TPD52: variants seen among roughly 807,000 people sequenced by gnomAD.
The protein encoded by TPD52 is prostate and colon associated protein.
In TPD52, 17 loss-of-function variants were observed where a neutral mutation model predicts 31.3. The observed-to-expected ratio is 0.54, with a 90% CI of 0.37 to 0.82. TPD52 has a LOEUF of 0.82. Among genes scored for constraint, TPD52 ranks in the 40% least tolerant of loss-of-function variants. TPD52 has a pLI of 0.00. For missense variants in TPD52, 212 were observed against 240.1 expected, an observed-to-expected ratio of 0.88 and a Z score of 0.77; for synonymous variants, 83 against 89.6, an observed-to-expected ratio of 0.93 and a Z score of 0.42.
intron 1 of TPD52, among the ~76,000 whole-genome samples, chr8:80,113,173 C>T (rs961788565): frequency 6.6e-6 from 1 of 151,916 alleles, no homozygotes; most frequent in Non-Finnish European, 1.5e-5. Context: ...TCTTCTGGCA[C>T]CTTTTCACTA....
intron 1 of TPD52, among the ~76,000 whole-genome samples, chr8:80,116,879 T>C (rs1398999579): frequency 6.6e-6 from 1 of 151,758 alleles, no homozygotes; most frequent in Non-Finnish European, 1.5e-5. Context: ...ATCATATCAA[T>C]AGATAAAGGA....
chr8:80,035,478 C>G lies in TPD52; in HGVS notation c.*2638G>C, dbSNP rs2130301603. The stretch of plus-strand genomic sequence containing the variant: ...TGCATAATGGACTTGCCCCTTTCCT[C>G]AATGGGCAGGTAATGTATACAAAAG... On this transcript the variant is annotated 3_prime_UTR_variant, in exon 8 of 8. Coordinates refer to ENST00000518937, the MANE Select transcript of TPD52 (RefSeq NM_001025253.3). The G allele has an allele frequency of 6.6e-6, 1 of 152,300 alleles. No homozygotes were observed. 9.4% of individuals were successfully genotyped at this position (152,300 alleles called of 1,614,324 possible).
Position 80,101,448 on chromosome 8 carries a change from C to CAAAA in TPD52, c.20-36859_20-36856dup, listed in dbSNP as rs113660828. ...GGGCGACAGAGTGAGACTCCCAGCTCAAAAAAAAAAAAAAAAAAAAAAAAA... is the reference window on the plus strand; with the variant it reads ...GGGCGACAGAGTGAGACTCCCAGCTCAAAAAAAAAAAAAAAAAAAAAAAAAAAAA... On this transcript the variant is annotated intron_variant, in intron 1 of 7. Coordinates refer to ENST00000518937, the MANE Select transcript of TPD52 (RefSeq NM_001025253.3). 2.4e-3 allele frequency among the ~76,000 whole-genome samples: 276 copies of CAAAA among 114,634 alleles called. 8 individuals are homozygous for CAAAA. Among genetic ancestry groups the CAAAA allele is most frequent in the African/African-American group, 7.4e-3 (257 of 34,540 alleles). The allele number at this position is 114,634 out of a possible 152,430, so 75.2% of individuals were successfully genotyped here.
chr8:80,161,725 TA>T (rs1811371083), intron 1 of TPD52, among the ~76,000 whole-genome samples: 2 of 81,184 alleles, frequency 2.5e-5, no homozygotes, highest in East Asian at 4.8e-4. Context: ...TATATATATA[TA>T]TATATATTTT....
rs1488121746 is a variant in TPD52, at chr8:80,036,628, T to C, written c.*1488A>G. On this transcript the variant is annotated 3_prime_UTR_variant, in exon 8 of 8. Transcript: ENST00000518937. ...AATTTATTAAGCTTTTCACATGTGA[T>C]AGCACATAGTTTTAATTGCATCCAA... is the stretch of plus-strand genomic sequence containing the variant. 1.3e-5 allele frequency: 2 copies of C among 152,672 alleles called. No individual in the cohort carries two copies. The highest frequency in any genetic ancestry group is 2.1e-4 in the South Asian group (1 of 4,834). 9.5% of individuals were successfully genotyped at this position (152,672 alleles called of 1,614,324 possible).
In TPD52 at chr8:80,044,338, T is replaced by C. The variant is rs915817256; in HGVS notation, c.414-130A>G. 8 of 701,176 alleles carry C rather than the reference T, an allele frequency of 1.1e-5. No homozygotes were observed. The East Asian group carries it at 1.6e-4, about 14-fold the overall frequency. The allele number at this position is 701,176 out of a possible 1,614,324, so 43.4% of individuals were successfully genotyped here. A position where few individuals can be genotyped will look rare whatever the true frequency, so the allele number is the denominator to read the frequency against. On this transcript the variant is annotated intron_variant, in intron 5 of 7. Coordinates refer to ENST00000518937, the MANE Select transcript of TPD52 (RefSeq NM_001025253.3). ...GGCGCCATGAAGAATTACCTACTTT[T>C]TGAGGTGGAGGGGATCAAAGTTATT...
chr8:80,153,054 C>G (rs1454024079), intron 1 of TPD52, among the ~76,000 whole-genome samples: 1 of 152,124 alleles, frequency 6.6e-6, no homozygotes, highest in East Asian at 1.9e-4. Flanking sequence ...AAAGAAGACT[C>G]TTAGGCACTA....
chr8:80,054,363 TAA>T (rs1811658515), intron 2 of TPD52, among the ~76,000 whole-genome samples: 3 of 152,138 alleles, frequency 2.0e-5, no homozygotes, highest in Non-Finnish European at 4.4e-5. Flanking sequence ...AACAAAAGGC[TAA>T]TCCAGGAAAA....
intron 1 of TPD52, among the ~76,000 whole-genome samples, chr8:80,163,485 G>T (rs1811496556): frequency 6.6e-6 from 1 of 152,204 alleles, no homozygotes; most frequent in Non-Finnish European, 1.5e-5. Context: ...AAGTTGGGAA[G>T]CTGCTGTTCA....
chr8:80,120,587 A>C (rs895567268), intron 1 of TPD52, among the ~76,000 whole-genome samples: 6 of 152,252 alleles, frequency 3.9e-5, no homozygotes, highest in African/African-American at 1.4e-4. Context: ...ATAGAAGTGA[A>C]GTGCTGCTTT....
intron 1 of TPD52, among the ~76,000 whole-genome samples, chr8:80,105,123 T>C (rs531873253): frequency 6.6e-6 from 1 of 152,292 alleles, no homozygotes; most frequent in East Asian, 1.9e-4. Context: ...TTTCTTTTTG[T>C]GATAGGGTCT....
chr8:80,051,339 G>A, intron 4 of TPD52, 188 bp downstream of exon 4: 1 of 566,704 alleles, frequency 1.8e-6, no homozygotes, highest in Admixed American at 3.4e-5. Context: ...ATGATCATTT[G>A]ATGTTAGAAT....
chr8:80,037,918 T>A lies in TPD52; in HGVS notation c.*198A>T. The A allele has an allele frequency of 1.7e-6, 1 of 577,376 alleles. No homozygotes were observed. Among genetic ancestry groups the A allele is most frequent in the Non-Finnish European group, 2.9e-6 (1 of 349,242 alleles). The allele number at this position is 577,376 out of a possible 1,614,324, so 35.8% of individuals were successfully genotyped here. A position where few individuals can be genotyped will look rare whatever the true frequency, so the allele number is the denominator to read the frequency against. ...TTTCCTAAATAAAGGAACATAAATG[T>A]ACACTAAAGGGTGTTTCCCAAGAAT... On this transcript the variant is annotated 3_prime_UTR_variant, in exon 8 of 8. Coordinates refer to ENST00000518937, the MANE Select transcript of TPD52 (RefSeq NM_001025253.3).
rs552723038 is a variant in TPD52, at chr8:80,112,444, T to C, written c.20-47851A>G. ...CACTATCTTGCTCTTCCTCCAAGATTTGGGGCAGGTCCCAGGCATCTCTAT... is the reference window on the plus strand; with the variant it reads ...CACTATCTTGCTCTTCCTCCAAGATCTGGGGCAGGTCCCAGGCATCTCTAT... On this transcript the variant is annotated intron_variant, in intron 1 of 7. Transcript: ENST00000518937. Among the ~76,000 whole-genome samples the C allele has an allele frequency of 5.9e-5, 9 of 152,250 alleles. No individual in the cohort carries two copies. The East Asian group carries it at 7.7e-4, about 13-fold the overall frequency.
At chr8:80,163,833 G>A (rs1315345055) in intron 1 of TPD52, among the ~76,000 whole-genome samples, 1 of 151,508 alleles carries the variant, frequency 6.6e-6, no homozygotes, top group Non-Finnish European at 1.5e-5. Flanking sequence ...TTGAATAGTG[G>A]AAGAGTGCAA....
At chr8:80,051,035 A>G (rs117512671) in intron 4 of TPD52, among the ~76,000 whole-genome samples, 1,767 of 152,074 alleles carry the variant, frequency 0.012, 14 homozygotes, top group Non-Finnish European at 0.016. Context: ...CAAAATCAAG[A>G]TTTTGGCCTA....
rs961328445 is a variant in TPD52 at position 80,064,307 on chromosome 8, T to G, written c.135+171A>C. On this transcript the variant is annotated intron_variant, in intron 2 of 7. Transcript: ENST00000518937. ...TTTTTCTCATATAAAAACGAACCGA[T>G]GTCACCCTCTTCTATCTCCTCTCCC... is the stretch of plus-strand genomic sequence containing the variant. Among the ~76,000 whole-genome samples the G allele has an allele frequency of 2.6e-5, 4 of 152,280 alleles. No homozygotes were observed. In the South Asian group the frequency reaches 8.3e-4, roughly 32 times the overall value.
chr8:80,060,960 G>A (rs558848272), intron 2 of TPD52, among the ~76,000 whole-genome samples: 1 of 152,264 alleles, frequency 6.6e-6, no homozygotes, highest in East Asian at 1.9e-4. Flanking sequence ...GAAGAGTTTA[G>A]CCAAAGCAGT....
At chr8:80,068,362 A>G (rs540492576) in intron 1 of TPD52, among the ~76,000 whole-genome samples, 7 of 152,308 alleles carry the variant, frequency 4.6e-5, no homozygotes, top group Admixed American at 2.0e-4. Flanking sequence ...AGAAACATCA[A>G]TGATCATGGC....
Sources: gnomAD v4.1 joint callset for allele counts (sites outside exome capture counted in the v4.1 genomes callset) on GRCh38, gnomAD v4.1.1 for gene constraint, MANE v1.5 for transcripts, NCBI Gene and HGNC (gene_info 2026-07-23, HGNC 2026-07-21) for gene names.